The following DDX47 variants were observed in gnomAD, a reference collection of about 807,000 sequenced individuals.
DDX47 encodes the protein probable ATP-dependent RNA helicase DDX47.
A neutral mutation model predicts 58.8 loss-of-function variants in DDX47; 60 were observed. That is an observed-to-expected ratio of 1.02 (90% CI 0.83 to 1.26). The LOEUF (loss-of-function observed/expected upper bound fraction) is 1.26. Among genes scored for constraint, DDX47 ranks in the 50% most tolerant of loss-of-function variants. The pLI, the probability that DDX47 is intolerant of heterozygous loss-of-function variation, is 0.00. For synonymous variants in DDX47, 197 were observed against 204.6 expected, an observed-to-expected ratio of 0.96 and a Z score of 0.32; for missense variants, 530 against 573.2, an observed-to-expected ratio of 0.92 and a Z score of 0.77.
Position 12,822,650 on chromosome 12 carries a change from T to C in DDX47, c.562-11T>C. ...ATATCATATTGGCATCTTTTCCTCT[T>C]TGTGCTTTAGGTTGACAAGATCCTC... is the stretch of plus-strand genomic sequence containing the variant. On this transcript the variant is annotated splice_polypyrimidine_tract_variant and intron_variant, in intron 5 of 11. Coordinates refer to ENST00000358007, the MANE Select transcript of DDX47 (RefSeq NM_016355.4). 6.2e-7 allele frequency: 1 copy of C among 1,612,962 alleles called. No homozygotes were observed. The highest frequency in any genetic ancestry group is 8.5e-7 in the Non-Finnish European group (1 of 1,179,094).
At chr12:12,814,378 A>G in intron 2 of DDX47, 154 bp downstream of exon 2, 1 of 602,076 alleles carries the variant, frequency 1.7e-6, no homozygotes, top group African/African-American at 1.8e-5. Context: ...TCATTCTCCA[A>G]TTTTACTGAG....
intron 2 of DDX47, chr12:12,814,634 G>A (rs1157407585): frequency 6.3e-6 from 1 of 158,554 alleles, no homozygotes; most frequent in Non-Finnish European, 1.4e-5. Context: ...ATGGCTACTG[G>A]AACTGAAACT....
At chr12:12,817,480 A>C (rs1349437168) in intron 2 of DDX47, among the ~76,000 whole-genome samples, 1 of 152,162 alleles carries the variant, frequency 6.6e-6, no homozygotes, top group Non-Finnish European at 1.5e-5. Context: ...TGGGAGGCTG[A>C]GGTGGGAGGA....
At position 12,824,352 on chromosome 12, in the gene DDX47, A is replaced by G. The variant is rs1863019193; in HGVS notation, c.898-188A>G. On this transcript the variant is annotated intron_variant, in intron 8 of 11. Coordinates refer to ENST00000358007, the MANE Select transcript of DDX47 (RefSeq NM_016355.4). ...TCGTGTCAAACTACCCTTATTTTGT[A>G]TCATATATATTTTTTTAATTTTTTG... 5 of 603,758 alleles carry G rather than the reference A, an allele frequency of 8.3e-6. No homozygotes were observed. In the East Asian group the frequency reaches 1.5e-4, roughly 18 times the overall value. The allele number at this position is 603,758 out of a possible 1,614,324, so 37.4% of individuals were successfully genotyped here. A position where few individuals can be genotyped will look rare whatever the true frequency, so the allele number is the denominator to read the frequency against.
At chr12:12,824,076 A>G in intron 8 of DDX47, 60 bp downstream of exon 8, 1 of 1,558,222 alleles carries the variant, frequency 6.4e-7, no homozygotes, top group Non-Finnish European at 8.7e-7. Context: ...TAAACCTCCT[A>G]ACAGTAGGTT....
rs748935950 is a variant in DDX47, at chr12:12,827,232, T to C, written c.1107-14T>C. The C allele has an allele frequency of 6.2e-7, 1 of 1,612,724 alleles. No homozygotes were observed. Among genetic ancestry groups the C allele is most frequent in the South Asian group, 1.1e-5 (1 of 90,738 alleles). On this transcript the variant is annotated splice_polypyrimidine_tract_variant and intron_variant, in intron 10 of 11. Coordinates refer to ENST00000358007, the MANE Select transcript of DDX47 (RefSeq NM_016355.4). ...TTACCAGGCAACCAGAGCTGTGCAG[T>C]TTTCCTTCCTCAGGTATGATGTGGA...
intron 11 of DDX47, among the ~76,000 whole-genome samples, chr12:12,827,869 C>CTGT (rs1863076870): frequency 9.1e-6 from 1 of 109,692 alleles, no homozygotes; most frequent in Non-Finnish European, 1.8e-5. Flanking sequence ...CAAAACTTTT[C>CTGT]TTTTTTCTTT....
At chr12:12,814,883 G>A (rs142770450) in intron 2 of DDX47, among the ~76,000 whole-genome samples, 1 of 152,106 alleles carries the variant, frequency 6.6e-6, no homozygotes, top group Non-Finnish European at 1.5e-5. Context: ...CAGCATGTTG[G>A]CCAGGCTGGT....
rs772908860 is a variant in DDX47 at position 12,824,662 on chromosome 12, T to C, written c.1020T>C (p.Ile340=). ...PHVDVVVNFD[I]PTHSKDYIHR... ...TAGATGTGGTTGTCAACTTTGACAT[T>C]CCTACCCATTCCAAGGTGAGTCCTA... is the stretch of plus-strand genomic sequence containing the variant. Residue 340 remains isoleucine (I), a synonymous_variant, in exon 9 of 12, where the codon ATT becomes ATC. Transcript: ENST00000358007. The C allele has an allele frequency of 6.2e-7, 1 of 1,614,182 alleles. No individual in the cohort carries two copies. The highest frequency in any genetic ancestry group is 1.1e-5 in the South Asian group (1 of 91,084).
At chr12:12,813,987 T>A (rs1862854469) in intron 1 of DDX47, 144 bp from the exon 2 acceptor site, 1 of 662,168 alleles carries the variant, frequency 1.5e-6, no homozygotes, top group East Asian at 2.6e-5. Flanking sequence ...CATGGTATAG[T>A]TAAAGAGTAG....
chr12:12,824,748 C>CT (rs1235318637), intron 9 of DDX47, 71 bp downstream of exon 9: 3 of 1,496,712 alleles, frequency 2.0e-6, no homozygotes, highest in Non-Finnish European at 2.7e-6. Flanking sequence ...TCTGTCTTTC[C>CT]TTAGTTACAG....
At chr12:12,814,347 G>T (rs1211063672) in intron 2 of DDX47, 123 bp downstream of exon 2, 2 of 683,494 alleles carry the variant, frequency 2.9e-6, no homozygotes, top group East Asian at 5.2e-5. Context: ...TACAAAGTTT[G>T]GGTAATGGTA....
At chr12:12,819,486 AC>A (rs770226537) in intron 2 of DDX47, among the ~76,000 whole-genome samples, 16 of 152,068 alleles carry the variant, frequency 1.1e-4, no homozygotes, top group Non-Finnish European at 1.5e-4. Context: ...CTGAGGAAGT[AC>A]CAGTGGTAGG....
intron 10 of DDX47, 147 bp from the exon 11 acceptor site, chr12:12,827,099 C>T: frequency 9.5e-7 from 1 of 1,056,664 alleles, no homozygotes; most frequent in Non-Finnish European, 1.3e-6. Flanking sequence ...AGAGATTGCA[C>T]TTAACCCATA....
chr12:12,824,329 G>T (rs776918397), intron 8 of DDX47: 1 of 565,974 alleles, frequency 1.8e-6, no homozygotes, highest in Non-Finnish European at 3.0e-6. Context: ...CCTTTCTATC[G>T]TGTCAAACTA....
chr12:12,827,869 C>CT (rs1354059622), intron 11 of DDX47, among the ~76,000 whole-genome samples: 11,947 of 107,682 alleles, frequency 0.11, 1,170 homozygotes, highest in East Asian at 0.18. Context: ...CAAAACTTTT[C>CT]TTTTTTCTTT....
At chr12:12,822,560 T>C (rs1592323418) in intron 5 of DDX47, 101 bp from the exon 6 acceptor site, 3 of 898,216 alleles carry the variant, frequency 3.3e-6, no homozygotes, top group South Asian at 3.0e-5. Flanking sequence ...TTCACAGTGA[T>C]ATATTTAGTT....
chr12:12,823,372 C>A, intron 7 of DDX47, 53 bp downstream of exon 7: 1 of 1,112,776 alleles, frequency 9.0e-7, no homozygotes, highest in South Asian at 1.3e-5. Flanking sequence ...TTCACCAAAG[C>A]ATCTGAAAAT....
intron 5 of DDX47, 38 bp from the exon 6 acceptor site, chr12:12,822,623 G>A (rs767513854): frequency 1.9e-6 from 3 of 1,569,252 alleles, no homozygotes; most frequent in Non-Finnish European, 1.8e-6. Flanking sequence ...CTTCCAGTCT[G>A]AATATCATAT....
Sources: gnomAD v4.1 joint callset for allele counts (sites outside exome capture counted in the v4.1 genomes callset) on GRCh38, gnomAD v4.1.1 for gene constraint, MANE v1.5 for transcripts, NCBI Gene and HGNC (gene_info 2026-07-23, HGNC 2026-07-21) for gene names.